Variants in FCHO1 observed in about 807,000 individuals in gnomAD.
FCHO1 encodes the protein FCH and mu domain containing endocytic adaptor 1.
Under a neutral mutation model 114.4 loss-of-function variants are expected in FCHO1, and 45 were observed. The observed-to-expected ratio is 0.39, with a 90% CI of 0.31 to 0.50. FCHO1 has a LOEUF of 0.50. FCHO1 is among the 20% of genes least tolerant of loss of function. The probability of loss-of-function intolerance (pLI) is 0.77; values close to 1 mark genes in which losing one functional copy is unlikely to be tolerated. For synonymous variants in FCHO1, 480 were observed against 488.9 expected (o/e 0.98, Z 0.24); for missense variants, 1,042 against 1,209.6 (o/e 0.86, Z 2.06).
intron 20 of FCHO1, among the ~76,000 whole-genome samples, chr19:17,780,459 C>T (rs949157242): frequency 2.6e-5 from 4 of 152,110 alleles, no homozygotes; most frequent in Admixed American, 6.6e-5. Flanking sequence ...CCACCGCACC[C>T]GGCCTGAGTA....
intron 27 of FCHO1, among the ~76,000 whole-genome samples, chr19:17,787,347 G>A (rs532080569): frequency 6.6e-6 from 1 of 151,220 alleles, no homozygotes; most frequent in African/African-American, 2.4e-5. Flanking sequence ...GGAGTTAGAG[G>A]CTGCAGTGAC....
intron 4 of FCHO1, chr19:17,758,864 C>T (rs1422772369): frequency 1.3e-5 from 2 of 152,114 alleles, no homozygotes; most frequent in Non-Finnish European, 2.9e-5. Context: ...GTTCCAGCTA[C>T]TTGGGAGGCT....
upstream of FCHO1, among the ~76,000 whole-genome samples, chr19:17,750,864 C>T (rs1326900004): frequency 2.3e-5 from 3 of 132,138 alleles, no homozygotes; most frequent in Non-Finnish European, 4.7e-5. Flanking sequence ...CTCGCTCTGT[C>T]GCCAGGCTGG....
Position 17,766,691 on chromosome 19 carries a change from G to T in FCHO1, c.217G>T (p.Val73Phe). ...CAGGACCTTCGCCCCGCTCTGGGAG[G>T]TCTTCCGCGTCTCCTCGGACAAGCT... Reference protein sequence around the residue: ...PMGTFAPLWEVFRVSSDKLAL... With the variant: ...PMGTFAPLWEFFRVSSDKLAL... Residue 73 changes from valine to phenylalanine, a missense_variant, in exon 7 of 29, where the codon GTC becomes TTC. Transcript: ENST00000596536. 1 of 1,614,190 alleles carries T rather than the reference G, an allele frequency of 6.2e-7. No homozygotes were observed. The highest frequency in any genetic ancestry group is 8.5e-7 in the Non-Finnish European group (1 of 1,180,036).
At chr19:17,780,663 CCA>C (rs559717654) in intron 20 of FCHO1, among the ~76,000 whole-genome samples, 145 of 152,038 alleles carry the variant, frequency 9.5e-4, no homozygotes, top group African/African-American at 3.3e-3. Context: ...CCCCAAATAT[CCA>C]CAGTGCTGAG....
chr19:17,755,249 G>A (rs1338054764), intron 4 of FCHO1, 58 bp downstream of exon 4: 3 of 1,458,134 alleles, frequency 2.1e-6, no homozygotes, highest in African/African-American at 1.4e-5. Context: ...GACTTTTATG[G>A]AGATGGGAGG....
rs144763703 is a variant in FCHO1 at position 17,784,913 on chromosome 19, G to A, written c.2415G>A (p.Pro805=). ...GEPVTNVRLQ[P]AATWNLEEKR... Reference sequence around the variant, plus strand: ...CTGTGACCAACGTCCGCTTGCAGCCGGCTGCCACCTGGTGAGGGCTTGCGG... The same window carrying A: ...CTGTGACCAACGTCCGCTTGCAGCCAGCTGCCACCTGGTGAGGGCTTGCGG... Residue 805 remains proline (P), a synonymous_variant, in exon 26 of 29, where the codon CCG becomes CCA. Transcript: ENST00000596536. This position sits in a 1 kb window ranked among gnomAD's most constrained non-coding sequence, Gnocchi z 5.3. 892 of 1,611,536 alleles carry A rather than the reference G, an allele frequency of 5.5e-4. No homozygotes were observed. The highest frequency in any genetic ancestry group is 1.0e-3 in the Admixed American group (63 of 60,026).
At position 17,784,132 on chromosome 19, in the gene FCHO1, A is replaced by G; in HGVS notation, c.2123A>G (p.Lys708Arg). The G allele has an allele frequency of 6.2e-7, 1 of 1,614,104 alleles. No individual in the cohort carries two copies. The highest frequency in any genetic ancestry group is 8.5e-7 in the Non-Finnish European group (1 of 1,180,010). ...CCCTCCCAGAGTGACCCTGAGACCA[A>G]AGACTTCTGGCTCAACATGGCAGCT... ...SDPSQSDPETKDFWLNMAALT... is the reference protein window; with the variant it reads ...SDPSQSDPETRDFWLNMAALT... The change falls in exon 25 of 29, where the codon AAA (lysine) becomes AGA (arginine). Residue 708 changes from lysine (K) to arginine (R), a missense_variant. By Grantham distance (26) the Lys-to-Arg change is conservative (BLOSUM62 2). This residue lies in a region of FCHO1 where 455 missense variants were observed against 455.4 expected (regional missense o/e 1.00). Coordinates refer to ENST00000596536, the MANE Select transcript of FCHO1 (RefSeq NM_015122.3). This position sits in a 1 kb window ranked among gnomAD's most constrained non-coding sequence, Gnocchi z 5.3.
chr19:17,786,202 G>A (rs1388872002), intron 26 of FCHO1, among the ~76,000 whole-genome samples: 2 of 152,092 alleles, frequency 1.3e-5, no homozygotes, highest in East Asian at 1.9e-4. Flanking sequence ...GCGTGGTGGC[G>A]GGCGCCTGTA....
Position 17,775,910 on chromosome 19 carries a change from A to T in FCHO1, c.1004-73A>T. ...CCTCGAAGGGTTTGAGCAGGGAGGG[A>T]CGAGGCTGGATTGGAGAGCTGACTG... On this transcript the variant is annotated intron_variant, in intron 15 of 28. Transcript: ENST00000596536. The surrounding 1 kb of genome is among the most constrained non-coding windows in gnomAD (Gnocchi z 5.1). 6.5e-7 allele frequency: 1 copy of T among 1,549,924 alleles called. No homozygotes were observed. Among genetic ancestry groups the T allele is most frequent in the South Asian group, 1.2e-5 (1 of 84,860 alleles).
At chr19:17,786,659 TGGGA>T in intron 27 of FCHO1, 30 bp downstream of exon 27, 1 of 243,770 alleles carries the variant, frequency 4.1e-6, no homozygotes, top group Non-Finnish European at 8.6e-6. Context: ...GAGGGCTGGG[TGGGA>T]GGGACTGGGG....
intron 7 of FCHO1, 83 bp downstream of exon 7, chr19:17,766,893 A>T: frequency 7.0e-7 from 1 of 1,431,706 alleles, no homozygotes. Context: ...CTGGGGCTTT[A>T]TAACCTGCGG....
Position 17,776,344 on chromosome 19 carries a change from A to T in FCHO1, c.1207+73A>T, listed in dbSNP as rs2092631455. 1.3e-6 allele frequency: 2 copies of T among 1,591,234 alleles called. No individual in the cohort carries two copies. The highest frequency in any genetic ancestry group is 1.7e-6 in the Non-Finnish European group (2 of 1,159,398). ...GGCTATGGGTTTGGGCTTGAATCAT[A>T]ACTCCGTTTTGTAACTTTGGGCAGG... On this transcript the variant is annotated intron_variant, in intron 17 of 28. Coordinates refer to ENST00000596536, the MANE Select transcript of FCHO1 (RefSeq NM_015122.3). The surrounding 1 kb of genome is among the most constrained non-coding windows in gnomAD (Gnocchi z 4.4).
At chr19:17,788,012 C>T (rs2094060463) in intron 28 of FCHO1, among the ~76,000 whole-genome samples, 166 bp downstream of exon 28, 1 of 152,046 alleles carries the variant, frequency 6.6e-6, no homozygotes, top group Non-Finnish European at 1.5e-5. Flanking sequence ...GGAGGCAGGG[C>T]CCTGTGTATC....
chr19:17,788,362 C>G lies in FCHO1; in HGVS notation c.*56C>G, dbSNP rs573470101. On this transcript the variant is annotated 3_prime_UTR_variant, in exon 29 of 29. Coordinates refer to ENST00000596536, the MANE Select transcript of FCHO1 (RefSeq NM_015122.3). ...CTGCGCCCTGGTGCTGGCTGACCAC[C>G]CCCTGCCCTCCTGCCGGACCCTGGG... The G allele has an allele frequency of 7.1e-7, 1 of 1,399,770 alleles. No homozygotes were observed. The highest frequency in any genetic ancestry group is 1.0e-6 in the Non-Finnish European group (1 of 995,112). The allele number at this position is 1,399,770 out of a possible 1,614,324, so 86.7% of individuals were successfully genotyped here.
At chr19:17,778,456 A>C in intron 19 of FCHO1, 153 bp from the exon 20 acceptor site, 1 of 892,650 alleles carries the variant, frequency 1.1e-6, no homozygotes, top group Non-Finnish European at 1.7e-6. Context: ...TGGAGAGGGA[A>C]GTCACCAGAA....
chr19:17,753,009 G>A (rs987304693), intron 1 of FCHO1, among the ~76,000 whole-genome samples: 18 of 152,176 alleles, frequency 1.2e-4, no homozygotes, highest in Non-Finnish European at 1.6e-4. Flanking sequence ...TTGAGCCTGG[G>A]AGGTGGAGGC....
chr19:17,781,912 T>C lies in FCHO1; in HGVS notation c.1937+92T>C, dbSNP rs2093447832. On this transcript the variant is annotated intron_variant, in intron 23 of 28. Transcript: ENST00000596536. The stretch of plus-strand genomic sequence containing the variant: ...TTCAGATGTGCTTCATGGTCTGTCT[T>C]ATAGTGAAAGGGCCTTGAACACTGA... The C allele has an allele frequency of 2.9e-5, 25 of 873,962 alleles. No homozygotes were observed. The East Asian group carries it at 6.6e-4, about 23-fold the overall frequency. The allele number at this position is 873,962 out of a possible 1,614,324, so 54.1% of individuals were successfully genotyped here.
At position 17,782,917 on chromosome 19, in the gene FCHO1, A is replaced by T. The variant is rs2093557103; in HGVS notation, c.1938-100A>T. 2.2e-6 allele frequency: 3 copies of T among 1,338,490 alleles called. No homozygotes were observed. The Admixed American group carries it at 6.3e-5, about 28-fold the overall frequency. 82.9% of individuals were successfully genotyped at this position (1,338,490 alleles called of 1,614,324 possible). On this transcript the variant is annotated intron_variant, in intron 23 of 28. Transcript: ENST00000596536. Reference sequence around the variant, plus strand: ...CAGGGCCATCCTCCTAGATCCGAGGAGTCTGGGGAGCCACAGGCACCAGTG... The same window carrying T: ...CAGGGCCATCCTCCTAGATCCGAGGTGTCTGGGGAGCCACAGGCACCAGTG...
Sources: allele counts gnomAD v4.1 joint callset (sites outside exome capture counted in the v4.1 genomes callset), GRCh38; gene constraint gnomAD v4.1.1; regional missense constraint gnomAD v4.1.1; non-coding constraint Gnocchi (gnomAD v3.1); transcripts MANE v1.5; gene names NCBI Gene and HGNC (gene_info 2026-07-23, HGNC 2026-07-21).